The following SUMF1 variants were observed in gnomAD, a reference collection of about 807,000 sequenced individuals.
SUMF1 encodes formylglycine-generating enzyme.
Under a neutral mutation model 47.6 loss-of-function variants are expected in SUMF1, and 48 were observed. The observed-to-expected ratio is 1.01, with a 90% CI of 0.80 to 1.28. The LOEUF (loss-of-function observed/expected upper bound fraction) is 1.28. Among genes scored for constraint, SUMF1 ranks in the 50% most tolerant of loss-of-function variants. The pLI is 0.00. For missense variants in SUMF1, 571 were observed against 485.4 expected (o/e 1.18, Z -1.66); for synonymous variants, 230 against 192.1 (o/e 1.20, Z -1.63).
downstream of SUMF1, among the ~76,000 whole-genome samples, chr3:4,358,045 T>A (rs897428052): frequency 1.3e-5 from 2 of 152,184 alleles, no homozygotes; most frequent in Non-Finnish European, 2.9e-5. Context: ...GACACAGATC[T>A]GTACTGCATT....
chr3:4,327,324 G>A (rs752584852), intron 8 of SUMF1, among the ~76,000 whole-genome samples: 4 of 152,170 alleles, frequency 2.6e-5, no homozygotes, highest in African/African-American at 7.2e-5. Flanking sequence ...ATGGCACAAT[G>A]TCTAAAATTA....
intron 8 of SUMF1, among the ~76,000 whole-genome samples, chr3:4,236,881 T>C (rs313631): frequency 0.24 from 36,866 of 152,048 alleles, 6,428 homozygotes; most frequent in African/African-American, 0.49. Context: ...CCAAAAACTC[T>C]GTGTTCCACC....
At chr3:4,271,409 G>A (rs993041104) in intron 8 of SUMF1, among the ~76,000 whole-genome samples, 3 of 152,004 alleles carry the variant, frequency 2.0e-5, no homozygotes, top group African/African-American at 7.2e-5. Context: ...CTGATTTCAT[G>A]AGGTATCCTT....
chr3:4,118,425 A>T (rs947271781), intron 8 of SUMF1, among the ~76,000 whole-genome samples: 2 of 152,122 alleles, frequency 1.3e-5, no homozygotes, highest in Non-Finnish European at 2.9e-5. Context: ...AGAAAAAAAT[A>T]AGAAAATCAG....
chr3:4,143,725 TCCCA>T (rs1694125759), intron 8 of SUMF1, among the ~76,000 whole-genome samples: 2 of 152,100 alleles, frequency 1.3e-5, no homozygotes, highest in Non-Finnish European at 2.9e-5. Flanking sequence ...TAGGTAACTT[TCCCA>T]AGGTCATAAA....
chr3:4,086,204 A>T (rs1342069583), intron 8 of SUMF1, among the ~76,000 whole-genome samples: 3 of 150,156 alleles, frequency 2.0e-5, no homozygotes, highest in Non-Finnish European at 4.4e-5. Context: ...GTGTTTATAC[A>T]CTTAGAATCA....
At chr3:4,097,475 C>A (rs1265878990) in intron 8 of SUMF1, among the ~76,000 whole-genome samples, 1 of 152,006 alleles carries the variant, frequency 6.6e-6, no homozygotes, top group African/African-American at 2.4e-5. Context: ...ATCGCTTGAA[C>A]CTGGGAGGCG....
chr3:4,153,604 G>C (rs940809655), intron 8 of SUMF1, among the ~76,000 whole-genome samples: 2 of 149,942 alleles, frequency 1.3e-5, no homozygotes, highest in African/African-American at 2.5e-5. Context: ...ATATATTCAA[G>C]CCCTAAAAAA....
chr3:4,050,748 C>CA (rs34228101), intron 9 of SUMF1, among the ~76,000 whole-genome samples: 32,561 of 86,566 alleles, frequency 0.38, 5,463 homozygotes, highest in South Asian at 0.47. Flanking sequence ...GACCCTGTCT[C>CA]AAAAAAAAAA....
At chr3:4,426,118 A>G (rs77793935) in intron 3 of SUMF1, among the ~76,000 whole-genome samples, 2,714 of 152,230 alleles carry the variant, frequency 0.018, 28 homozygotes, top group African/African-American at 0.025. Flanking sequence ...CAGCCAAACC[A>G]TATCAGGGAG....
At chr3:4,220,341 G>A (rs1290903122) in intron 8 of SUMF1, among the ~76,000 whole-genome samples, 2 of 152,244 alleles carry the variant, frequency 1.3e-5, no homozygotes, top group Admixed American at 6.5e-5. Flanking sequence ...TAGATCAGAA[G>A]AAAAGGTGGT....
chr3:4,442,127 A>G (rs983873040), intron 3 of SUMF1, among the ~76,000 whole-genome samples: 15 of 152,246 alleles, frequency 9.9e-5, no homozygotes, highest in African/African-American at 3.1e-4. Context: ...ATTACTGGAA[A>G]GCATGGAGGG....
At position 4,166,880 on chromosome 3, in the gene SUMF1, C is replaced by T. The variant is rs529307505; in HGVS notation, c.1015-98135G>A. Reference sequence around the variant, plus strand: ...ACCAATGCTTCCAACTCTGAAGAGTCGGGGGTGGTTAGAGAGCCCTTTCCC... The same window carrying T: ...ACCAATGCTTCCAACTCTGAAGAGTTGGGGGTGGTTAGAGAGCCCTTTCCC... On this transcript the variant is annotated intron_variant and NMD_transcript_variant, in intron 8 of 12. Transcript: ENST00000448413. 6.6e-5 allele frequency among the ~76,000 whole-genome samples: 10 copies of T among 152,164 alleles called. No homozygotes were observed. The East Asian group carries it at 7.7e-4, about 12-fold the overall frequency.
chr3:4,417,900 A>T, intron 5 of SUMF1, 110 bp downstream of exon 5: 1 of 1,561,090 alleles, frequency 6.4e-7, no homozygotes. Flanking sequence ...AAAAAGAATT[A>T]TTGTCGTTAT....
chr3:4,053,262 G>A (rs182245309), intron 9 of SUMF1, among the ~76,000 whole-genome samples: 176 of 152,184 alleles, frequency 1.2e-3, no homozygotes, highest in African/African-American at 4.0e-3. Flanking sequence ...AAGATTTATC[G>A]ATTAAGTTTG....
intron 8 of SUMF1, among the ~76,000 whole-genome samples, chr3:4,080,652 C>G (rs1342795422): frequency 6.6e-6 from 1 of 152,088 alleles, no homozygotes; most frequent in Non-Finnish European, 1.5e-5. Context: ...ATTAATCACA[C>G]AGACATACAT....
chr3:4,286,974 T>C (rs1559652885), intron 8 of SUMF1, among the ~76,000 whole-genome samples: 1 of 152,296 alleles, frequency 6.6e-6, no homozygotes, highest in East Asian at 1.9e-4. Flanking sequence ...ATACCCGAGA[T>C]CATTACAGGT....
intron 8 of SUMF1, among the ~76,000 whole-genome samples, chr3:4,308,428 C>T (rs1378635180): frequency 6.6e-6 from 1 of 152,044 alleles, no homozygotes; most frequent in Non-Finnish European, 1.5e-5. Context: ...AAGTAATTTG[C>T]CAGAAACATA....
intron 8 of SUMF1, among the ~76,000 whole-genome samples, chr3:4,196,869 A>G (rs1695440692): frequency 6.6e-6 from 1 of 152,122 alleles, no homozygotes; most frequent in African/African-American, 2.4e-5. Context: ...CAATAAATCA[A>G]TAAAAGCCTT....
Sources: allele counts gnomAD v4.1 joint callset (sites outside exome capture counted in the v4.1 genomes callset), GRCh38; gene constraint gnomAD v4.1.1; transcripts MANE v1.5; gene names NCBI Gene and HGNC (gene_info 2026-07-23, HGNC 2026-07-21).